CDADC1: variants seen among roughly 807,000 people sequenced by gnomAD.
The protein encoded by CDADC1 is dCTP deaminase.
A neutral mutation model predicts 54.9 loss-of-function variants in CDADC1; 39 were observed. The ratio of observed to expected loss-of-function variants is 0.71; its 90% CI spans 0.55 to 0.93. The LOEUF (loss-of-function observed/expected upper bound fraction) is 0.93. Ranked by LOEUF, CDADC1 falls within the 40% of genes least tolerant of loss-of-function variation. CDADC1 has a pLI of 0.00. For synonymous variants in CDADC1, 186 were observed against 204.0 expected (o/e 0.91, Z 0.75); for missense variants, 518 against 618.8 (o/e 0.84, Z 1.73).
intron 8 of CDADC1, among the ~76,000 whole-genome samples, chr13:49,284,341 G>A (rs1953444750): frequency 7.9e-5 from 12 of 152,296 alleles, no homozygotes; most frequent in Admixed American, 6.5e-4. Flanking sequence ...ACATGTTGCT[G>A]TATTTTCTGC....
chr13:49,248,238 G>A, intron 1 of CDADC1, 119 bp downstream of exon 1: 1 of 886,128 alleles, frequency 1.1e-6, no homozygotes, highest in Non-Finnish European at 1.7e-6. Context: ...GCTTTTGGAT[G>A]TCTCCTGCCC....
At chr13:49,263,796 G>A (rs1402772465) in intron 4 of CDADC1, among the ~76,000 whole-genome samples, 2 of 152,022 alleles carry the variant, frequency 1.3e-5, no homozygotes, top group Non-Finnish European at 2.9e-5. Flanking sequence ...TTTAAACAAT[G>A]TATAAGTGAT....
At chr13:49,289,191 T>G (rs1261652272) in intron 9 of CDADC1, among the ~76,000 whole-genome samples, 5 of 134,164 alleles carry the variant, frequency 3.7e-5, no homozygotes, top group Non-Finnish European at 7.7e-5. Flanking sequence ...TGCAGTGGCG[T>G]GATCCTGGCT....
chr13:49,247,972 C>T lies in CDADC1; in HGVS notation c.-66C>T, dbSNP rs922124533. 96 of 1,409,908 alleles carry T rather than the reference C, an allele frequency of 6.8e-5. No homozygotes were observed. Among genetic ancestry groups the T allele is most frequent in the Middle Eastern group, 1.8e-4 (1 of 5,548 alleles). 87.3% of individuals were successfully genotyped at this position (1,409,908 alleles called of 1,614,324 possible). ...GCTGAGAGGAGGCGAGAGGCGGGGG[C>T]GCTAGGGCCGAGATCATGTCTGACT... On this transcript the variant is annotated 5_prime_UTR_variant, in exon 1 of 10. Transcript: ENST00000251108.
At chr13:49,253,798 C>G (rs1952485064) in intron 2 of CDADC1, among the ~76,000 whole-genome samples, 1 of 152,180 alleles carries the variant, frequency 6.6e-6, no homozygotes, top group Non-Finnish European at 1.5e-5. Flanking sequence ...CCACCCGCCT[C>G]AGCCTCCCGA....
Position 49,267,991 on chromosome 13 carries a change from A to G in CDADC1, c.932A>G (p.Asn311Ser). The stretch of plus-strand genomic sequence containing the variant: ...CCAGAACAGATTAATGAAATTCACA[A>G]TCAAAGTTTGCCACAGGAAATTGCA... ...SNPEQINEIHNQSLPQEIARH... is the reference protein window; with the variant it reads ...SNPEQINEIHSQSLPQEIARH... The change falls in exon 5 of 10, where the codon AAT becomes AGT. Residue 311 changes from asparagine (N) to serine (S), a missense_variant. Asn to Ser is a conservative substitution (Grantham distance 46). Coordinates refer to ENST00000251108, the MANE Select transcript of CDADC1 (RefSeq NM_030911.4). The G allele has an allele frequency of 6.2e-7, 1 of 1,614,046 alleles. No individual in the cohort carries two copies.
chr13:49,268,199 G>T lies in CDADC1; in HGVS notation c.1000+140G>T, dbSNP rs1182661854. On this transcript the variant is annotated intron_variant, in intron 5 of 9. Coordinates refer to ENST00000251108, the MANE Select transcript of CDADC1 (RefSeq NM_030911.4). The stretch of plus-strand genomic sequence containing the variant: ...TCATACAATATAGAGAAGTTAGTGA[G>T]ACCCTTGAGTAGACAACTCTTTCTC... 1.0e-5 allele frequency: 7 copies of T among 678,016 alleles called. No homozygotes were observed. The East Asian group carries it at 1.6e-4, about 16-fold the overall frequency. 42.0% of individuals were successfully genotyped at this position (678,016 alleles called of 1,614,324 possible).
intron 5 of CDADC1, among the ~76,000 whole-genome samples, chr13:49,272,936 G>A (rs1953009020): frequency 6.6e-6 from 1 of 152,124 alleles, no homozygotes; most frequent in South Asian, 2.1e-4. Context: ...TGGATCTGGA[G>A]GGCTAAGTTT....
intron 4 of CDADC1, among the ~76,000 whole-genome samples, chr13:49,261,210 C>T (rs1021342631): frequency 1.3e-5 from 2 of 152,136 alleles, no homozygotes; most frequent in African/African-American, 4.8e-5. Context: ...AGATCTATGT[C>T]AAGGTCAGTG....
At chr13:49,265,965 GA>G in intron 4 of CDADC1, 1 of 1,300,722 alleles carries the variant, frequency 7.7e-7, no homozygotes, top group Non-Finnish European at 1.0e-6. Context: ...CGAACAGAGG[GA>G]AGGTGAAATG....
At chr13:49,280,780 C>A in intron 8 of CDADC1, 82 bp downstream of exon 8, 1 of 508,974 alleles carries the variant, frequency 2.0e-6, no homozygotes, top group Non-Finnish European at 3.2e-6. Flanking sequence ...GTTAGTGATT[C>A]CCACCCTTTT....
intron 8 of CDADC1, among the ~76,000 whole-genome samples, chr13:49,281,183 C>T (rs1953322754): frequency 6.6e-6 from 1 of 152,074 alleles, no homozygotes; most frequent in Non-Finnish European, 1.5e-5. Flanking sequence ...ATGTGCAAAC[C>T]CTTACCTAAC....
chr13:49,286,312 G>T, intron 9 of CDADC1, 30 bp downstream of exon 9: 2 of 1,511,586 alleles, frequency 1.3e-6, no homozygotes, highest in Non-Finnish European at 1.8e-6. Flanking sequence ...GGTGAACTTT[G>T]TTGCTGAGGA....
chr13:49,260,395 C>T (rs1002802919), intron 4 of CDADC1, among the ~76,000 whole-genome samples: 5 of 152,230 alleles, frequency 3.3e-5, no homozygotes, highest in Admixed American at 2.6e-4. Flanking sequence ...GTTGTCACCT[C>T]TAGGGCTTTG....
Position 49,292,264 on chromosome 13 carries a change from A to C in CDADC1, c.*507A>C, listed in dbSNP as rs1415544598. On this transcript the variant is annotated 3_prime_UTR_variant, in exon 10 of 10. Transcript: ENST00000251108. ...GCTTTCTAGTAATCAGAATTTACTT[A>C]ATTAGAATTGACTCATAAAAATAAA... The C allele has an allele frequency of 1.0e-6, 1 of 977,642 alleles. No individual in the cohort carries two copies. The highest frequency in any genetic ancestry group is 1.1e-4 in the East Asian group (1 of 8,894). The allele number at this position is 977,642 out of a possible 1,614,324, so 60.6% of individuals were successfully genotyped here.
At position 49,292,717 on chromosome 13, in the gene CDADC1, T is replaced by C; in HGVS notation, c.*960T>C. On this transcript the variant is annotated 3_prime_UTR_variant, in exon 10 of 10. Transcript: ENST00000251108. ...GTCTGTGATTTCTCACATTTTTATT[T>C]GCTGAGAAACATTCAGAAAATTATT... is the stretch of plus-strand genomic sequence containing the variant. 1 of 1,265,028 alleles carries C rather than the reference T, an allele frequency of 7.9e-7. No individual in the cohort carries two copies. Among genetic ancestry groups the C allele is most frequent in the Non-Finnish European group, 1.0e-6 (1 of 978,742 alleles). The allele number at this position is 1,265,028 out of a possible 1,614,324, so 78.4% of individuals were successfully genotyped here.
intron 4 of CDADC1, among the ~76,000 whole-genome samples, chr13:49,265,133 A>G (rs1226492176): frequency 6.6e-6 from 1 of 152,250 alleles, no homozygotes; most frequent in Non-Finnish European, 1.5e-5. Flanking sequence ...AGAAACACTC[A>G]GCTTTCACTT....
At chr13:49,259,861 C>T (rs569305127) in intron 4 of CDADC1, among the ~76,000 whole-genome samples, 10 of 144,452 alleles carry the variant, frequency 6.9e-5, no homozygotes, top group South Asian at 2.2e-4. Flanking sequence ...AAAAAAAAAA[C>T]GAAGAAAGGA....
chr13:49,284,896 T>C (rs1422289549), intron 8 of CDADC1, among the ~76,000 whole-genome samples: 3 of 152,248 alleles, frequency 2.0e-5, no homozygotes, highest in African/African-American at 4.8e-5. Context: ...TCATTAGTGA[T>C]TCTGATAGAG....
Sources: allele counts gnomAD v4.1 joint callset (sites outside exome capture counted in the v4.1 genomes callset), GRCh38; gene constraint gnomAD v4.1.1; transcripts MANE v1.5; gene names NCBI Gene and HGNC (gene_info 2026-07-23, HGNC 2026-07-21).